MDGA2: variants seen among roughly 807,000 people sequenced by gnomAD.
MDGA2 encodes the protein MAM domain containing glycosylphosphatidylinositol anchor 2, also known as MAM domain-containing glycosylphosphatidylinositol anchor protein 2.
A neutral mutation model predicts 117.8 loss-of-function variants in MDGA2; 40 were observed. That is an observed-to-expected ratio of 0.34 (90% CI 0.26 to 0.44). The LOEUF (loss-of-function observed/expected upper bound fraction) is 0.44. Ranked by LOEUF, MDGA2 falls within the 20% of genes least tolerant of loss-of-function variation. The probability of loss-of-function intolerance (pLI) is 1.00; values close to 1 mark genes in which losing one functional copy is unlikely to be tolerated. For synonymous variants in MDGA2, 452 were observed against 439.0 expected (o/e 1.03, Z -0.37); for missense variants, 1,123 against 1,250.6 (o/e 0.90, Z 1.54).
chr14:47,478,369 G>A (rs1434163870), intron 1 of MDGA2, among the ~76,000 whole-genome samples: 1 of 152,048 alleles, frequency 6.6e-6, no homozygotes, highest in Non-Finnish European at 1.5e-5. Context: ...AAATTCAATT[G>A]TATTTGAAAA....
intron 7 of MDGA2, among the ~76,000 whole-genome samples, chr14:47,056,554 T>A (rs994592575): frequency 6.6e-6 from 1 of 152,174 alleles, no homozygotes; most frequent in Admixed American, 6.6e-5. Context: ...GTCCACCAGA[T>A]GTCTCATCAT....
intron 9 of MDGA2, among the ~76,000 whole-genome samples, chr14:46,950,664 T>C (rs11845578): frequency 0.24 from 36,481 of 151,838 alleles, 4,795 homozygotes; most frequent in African/African-American, 0.34. Context: ...ATCACAATTT[T>C]ACTGGCAATT....
At chr14:47,224,379 G>A (rs1465091040) in intron 2 of MDGA2, among the ~76,000 whole-genome samples, 3 of 148,518 alleles carry the variant, frequency 2.0e-5, no homozygotes, top group African/African-American at 7.3e-5. Context: ...AATCTGTATT[G>A]ACTGAGATAA....
intron 6 of MDGA2, among the ~76,000 whole-genome samples, chr14:47,078,239 C>G (rs1236892238): frequency 6.6e-6 from 1 of 152,062 alleles, no homozygotes; most frequent in Non-Finnish European, 1.5e-5. Context: ...GATTCTGATT[C>G]ATCCTTCAGA....
intron 9 of MDGA2, among the ~76,000 whole-genome samples, chr14:46,929,132 T>C (rs545353563): frequency 6.6e-6 from 1 of 152,136 alleles, no homozygotes. Context: ...ATCTGAGAGT[T>C]CAGAATATGC....
At chr14:47,152,231 A>G (rs1883189944) in intron 3 of MDGA2, among the ~76,000 whole-genome samples, 1 of 152,186 alleles carries the variant, frequency 6.6e-6, no homozygotes, top group African/African-American at 2.4e-5. Flanking sequence ...ATGTTCCAAG[A>G]CAATCTGAAC....
chr14:47,303,927 A>G (rs1428510742), intron 1 of MDGA2, among the ~76,000 whole-genome samples: 2 of 152,132 alleles, frequency 1.3e-5, no homozygotes, highest in Non-Finnish European at 2.9e-5. Flanking sequence ...AAACCACTTA[A>G]ATTATACAGT....
chr14:47,305,763 T>C (rs1414213822), intron 1 of MDGA2, among the ~76,000 whole-genome samples: 1 of 152,184 alleles, frequency 6.6e-6, no homozygotes, highest in Non-Finnish European at 1.5e-5. Flanking sequence ...TTTGTCTAAA[T>C]TATTTAAAAT....
chr14:47,082,434 C>A (rs2138897271), intron 6 of MDGA2, among the ~76,000 whole-genome samples: 1 of 151,836 alleles, frequency 6.6e-6, no homozygotes, highest in Non-Finnish European at 1.5e-5. Flanking sequence ...AAGGAAAAAT[C>A]TGCAGTGAAT....
intron 1 of MDGA2, among the ~76,000 whole-genome samples, chr14:47,638,408 A>G (rs1048824631): frequency 9.9e-5 from 15 of 152,134 alleles, no homozygotes; most frequent in African/African-American, 3.6e-4. Context: ...TTACTTTTGG[A>G]TGGAATTAAT....
At chr14:47,620,060 A>T (rs1196913154) in intron 1 of MDGA2, among the ~76,000 whole-genome samples, 1 of 152,244 alleles carries the variant, frequency 6.6e-6, no homozygotes, top group Admixed American at 6.5e-5. Flanking sequence ...CCCTGGCTTA[A>T]TGCCGGCATA....
Position 47,072,301 on chromosome 14 carries a change from A to G in MDGA2, c.1196-10723T>C, listed in dbSNP as rs538370237. ...GAAAGCTTATATTGTACCTATACAC[A>G]GTGAAAATACAATTTTTTAAGTGCA... On this transcript the variant is annotated intron_variant, in intron 6 of 16. Coordinates refer to ENST00000399232, the MANE Select transcript of MDGA2 (RefSeq NM_001113498.3). Among the ~76,000 whole-genome samples the G allele has an allele frequency of 7.2e-5, 11 of 152,338 alleles. No homozygotes were observed. The South Asian group carries it at 1.9e-3, about 26-fold the overall frequency.
intron 2 of MDGA2, among the ~76,000 whole-genome samples, chr14:47,271,517 A>G (rs1478479267): frequency 2.0e-5 from 3 of 152,142 alleles, no homozygotes; most frequent in Non-Finnish European, 4.4e-5. Flanking sequence ...CCTGGGAAAA[A>G]CAGACTGATT....
intron 1 of MDGA2, among the ~76,000 whole-genome samples, chr14:47,308,814 G>T (rs1398905836): frequency 1.3e-5 from 2 of 152,066 alleles, no homozygotes; most frequent in Non-Finnish European, 2.9e-5. Context: ...GTCTACTACA[G>T]TCTGGCTCTG....
Position 47,096,909 on chromosome 14 carries a change from A to C in MDGA2, c.1140T>G (p.Ile380Met). The C allele has an allele frequency of 6.2e-7, 1 of 1,613,284 alleles. No individual in the cohort carries two copies. The highest frequency in any genetic ancestry group is 8.5e-7 in the Non-Finnish European group (1 of 1,179,438). Residue 380 changes from isoleucine (I) to methionine (M), a missense_variant, in exon 6 of 17, where the codon ATT becomes ATG. Around this residue, in one of 2 missense-constraint regions of MDGA2, gnomAD observed 890 missense variants for 1,050.3 expected, o/e 0.85. Coordinates refer to ENST00000399232, the MANE Select transcript of MDGA2 (RefSeq NM_001113498.3). The stretch of plus-strand genomic sequence containing the variant: ...CAGGGTTTCCCACATTATTATTGGC[A>C]ATGCAGCTGTAAGTACCAGCATCAT... ...TSDDAGTYSC[I>M]ANNNVGNPAK...
intron 1 of MDGA2, among the ~76,000 whole-genome samples, chr14:47,520,742 T>G (rs2138712496): frequency 6.6e-6 from 1 of 152,286 alleles, no homozygotes; most frequent in Admixed American, 6.5e-5. Flanking sequence ...GAATGTACAC[T>G]TTAGAACACT....
chr14:47,502,675 AT>A lies in MDGA2; in HGVS notation c.280+171841del, dbSNP rs912646277. Among the ~76,000 whole-genome samples, 7 of 151,946 alleles carry A rather than the reference AT, an allele frequency of 4.6e-5. No homozygotes were observed. The East Asian group carries it at 1.4e-3, about 30-fold the overall frequency. On this transcript the variant is annotated intron_variant, in intron 1 of 16. Coordinates refer to ENST00000399232, the MANE Select transcript of MDGA2 (RefSeq NM_001113498.3). ...GGGGTTTTTTTGTTTTATTATTTGTATTTTTTTGGGGGGGACAGAGTCTCAC... is the reference window on the plus strand; with the variant it reads ...GGGGTTTTTTTGTTTTATTATTTGTATTTTTTGGGGGGGACAGAGTCTCAC...
intron 2 of MDGA2, among the ~76,000 whole-genome samples, chr14:47,279,236 TA>T (rs1434286189): frequency 1.3e-5 from 2 of 152,188 alleles, no homozygotes; most frequent in Non-Finnish European, 2.9e-5. Flanking sequence ...TGCATACTGA[TA>T]GAGTATATTA....
chr14:47,408,160 A>T lies in MDGA2; in HGVS notation c.281-106610T>A, dbSNP rs545679350. 3.5e-4 allele frequency among the ~76,000 whole-genome samples: 53 copies of T among 150,014 alleles called. No individual in the cohort carries two copies. In the South Asian group the frequency reaches 6.3e-3, roughly 18 times the overall value. On this transcript the variant is annotated intron_variant, in intron 1 of 16. Transcript: ENST00000399232. ...AACCTCCACATCCCGGGTTCAAGCA[A>T]TTCTCCTGCCTCAGCCTCCTGAGTA... is the stretch of plus-strand genomic sequence containing the variant.
Sources: allele counts gnomAD v4.1 joint callset (sites outside exome capture counted in the v4.1 genomes callset), GRCh38; gene constraint gnomAD v4.1.1; regional missense constraint gnomAD v4.1.1; transcripts MANE v1.5; gene names NCBI Gene and HGNC (gene_info 2026-07-23, HGNC 2026-07-21).